CLYBL: variants seen among roughly 807,000 people sequenced by gnomAD.
CLYBL encodes citramalyl-CoA lyase, mitochondrial.
In CLYBL, 31 loss-of-function variants were observed where a neutral mutation model predicts 38.9. The ratio of observed to expected loss-of-function variants is 0.80; its 90% confidence interval spans 0.60 to 1.08. The LOEUF (loss-of-function observed/expected upper bound fraction) is 1.08, where lower values mean the gene tolerates loss of function less well. Ranked by LOEUF, CLYBL falls within the 50% of genes least tolerant of loss-of-function variation. CLYBL has a pLI of 0.00. For missense variants in CLYBL, 434 were observed against 411.6 expected (o/e 1.05, Z -0.47); for synonymous variants, 171 against 158.6 (o/e 1.08, Z -0.59).
rs2051730534 is a variant in CLYBL at position 99,865,906 on chromosome 13, C to A, written c.635-334C>A. Among the ~76,000 whole-genome samples, 1 of 152,220 alleles carries A rather than the reference C, an allele frequency of 6.6e-6. No homozygotes were observed. The highest frequency in any genetic ancestry group is 6.5e-5 in the Admixed American group (1 of 15,284). On this transcript the variant is annotated intron_variant, in intron 5 of 8. Transcript: ENST00000339105. This position sits in a 1 kb window ranked among gnomAD's most constrained non-coding sequence, Gnocchi z 4.7. ...CACCCTTTGTGGTGCTGTCTTTGGA[C>A]TGGCACTTTTCAAGCGATGATAAGA... is the stretch of plus-strand genomic sequence containing the variant.
chr13:99,701,946 A>G (rs1397200543), intron 1 of CLYBL, among the ~76,000 whole-genome samples: 1 of 152,142 alleles, frequency 6.6e-6, no homozygotes. Context: ...TGCTGAGGTT[A>G]CATACTTTAT....
chr13:99,691,905 C>A (rs898968848), intron 1 of CLYBL, among the ~76,000 whole-genome samples: 2 of 152,158 alleles, frequency 1.3e-5, no homozygotes, highest in South Asian at 4.1e-4. Context: ...GAACACAGAG[C>A]GAGAGTTTCT....
intron 1 of CLYBL, among the ~76,000 whole-genome samples, chr13:99,706,635 C>A (rs944866828): frequency 3.9e-5 from 6 of 152,106 alleles, no homozygotes; most frequent in Admixed American, 1.3e-4. Context: ...CACATATAGT[C>A]AAGTCCAAAT....
At chr13:99,699,867 G>C (rs1395433950) in intron 1 of CLYBL, among the ~76,000 whole-genome samples, 1 of 150,902 alleles carries the variant, frequency 6.6e-6, no homozygotes, top group East Asian at 2.0e-4. Flanking sequence ...GGTGGCGGGT[G>C]CCTGTAGTCC....
chr13:99,714,982 C>G (rs546998093), intron 1 of CLYBL, among the ~76,000 whole-genome samples: 1 of 151,980 alleles, frequency 6.6e-6, no homozygotes. Context: ...AAAGGAGGAA[C>G]GTAACCATCA....
At chr13:99,726,612 AGG>A (rs985466308) in intron 1 of CLYBL, 18 of 152,288 alleles carry the variant, frequency 1.2e-4, no homozygotes, top group African/African-American at 4.3e-4. Context: ...TGCCCTGAAA[AGG>A]GAAGAGCCAG....
In CLYBL at chr13:99,856,844, G is replaced by A. The variant is rs374304154; in HGVS notation, c.250-2017G>A. Among the ~76,000 whole-genome samples, 29 of 151,408 alleles carry A rather than the reference G, an allele frequency of 1.9e-4. No homozygotes were observed. The South Asian group carries it at 3.6e-3, about 19-fold the overall frequency. The stretch of plus-strand genomic sequence containing the variant: ...AGTAGAGATGGGGTTTCACCATGTT[G>A]GCCAGGCTGGTCTTGAACTCTTGAC... On this transcript the variant is annotated intron_variant, in intron 2 of 8. Transcript: ENST00000339105.
chr13:99,653,691 A>G (rs1402642299), intron 1 of CLYBL, among the ~76,000 whole-genome samples: 1 of 151,458 alleles, frequency 6.6e-6, no homozygotes, highest in South Asian at 2.1e-4. Flanking sequence ...CATCCTGGCC[A>G]GTTATTAACC....
chr13:99,836,520 T>C (rs769574035), intron 2 of CLYBL, among the ~76,000 whole-genome samples: 1 of 152,208 alleles, frequency 6.6e-6, no homozygotes, highest in Non-Finnish European at 1.5e-5. Context: ...ACTTAACCAT[T>C]GTCACAGTGT....
intron 1 of CLYBL, among the ~76,000 whole-genome samples, chr13:99,703,558 A>G (rs2139466299): frequency 6.6e-6 from 1 of 151,988 alleles, no homozygotes; most frequent in South Asian, 2.1e-4. Context: ...TTTAGTAGAG[A>G]CGGTATTTCA....
intron 8 of CLYBL, chr13:99,892,019 C>T (rs1277574367): frequency 6.6e-6 from 1 of 152,202 alleles, no homozygotes; most frequent in Non-Finnish European, 1.5e-5. Flanking sequence ...ACGAAACATC[C>T]ATCTCCTTGA....
chr13:99,904,881 G>A (rs1378127226), intron 8 of CLYBL, among the ~76,000 whole-genome samples: 3 of 152,214 alleles, frequency 2.0e-5, no homozygotes, highest in Admixed American at 2.0e-4. Flanking sequence ...GGCCCTGAAA[G>A]GGCAGCCTCC....
At chr13:99,906,543 C>T (rs899823402) in intron 9 of CLYBL, among the ~76,000 whole-genome samples, 28 of 152,030 alleles carry the variant, frequency 1.8e-4, no homozygotes, top group African/African-American at 6.3e-4. Flanking sequence ...CCTGTCTCAG[C>T]CTCCTGAGTA....
At chr13:99,841,354 A>G (rs2051071330) in intron 2 of CLYBL, among the ~76,000 whole-genome samples, 1 of 152,130 alleles carries the variant, frequency 6.6e-6, no homozygotes, top group African/African-American at 2.4e-5. Flanking sequence ...TGAGGTACCT[A>G]TAATGAAAGA....
At chr13:99,713,631 T>A (rs2048268920) in intron 1 of CLYBL, among the ~76,000 whole-genome samples, 1 of 152,032 alleles carries the variant, frequency 6.6e-6, no homozygotes, top group East Asian at 1.9e-4. Context: ...TGAGCCACCA[T>A]GTCTGGCCTC....
At chr13:99,785,126 C>G (rs1383713025) in intron 2 of CLYBL, among the ~76,000 whole-genome samples, 2 of 147,712 alleles carry the variant, frequency 1.4e-5, no homozygotes, top group African/African-American at 5.0e-5. Flanking sequence ...CTCCTGACCT[C>G]AAGTGATCCA....
At chr13:99,743,861 G>A (rs1468339998) in intron 1 of CLYBL, among the ~76,000 whole-genome samples, 2 of 151,440 alleles carry the variant, frequency 1.3e-5, no homozygotes, top group African/African-American at 2.4e-5. Context: ...GCTTTCCTGC[G>A]CCTTTGGGTT....
intron 7 of CLYBL, among the ~76,000 whole-genome samples, chr13:99,882,558 G>A (rs1325121405): frequency 6.6e-6 from 1 of 152,056 alleles, no homozygotes; most frequent in African/African-American, 2.4e-5. Context: ...CAGCTAGTGG[G>A]GAGGCTGAGG....
At chr13:99,825,167 G>T (rs560026679) in intron 2 of CLYBL, among the ~76,000 whole-genome samples, 1 of 152,324 alleles carries the variant, frequency 6.6e-6, no homozygotes, top group South Asian at 2.1e-4. Flanking sequence ...AGGCTGAGCT[G>T]CCCACTTAAC....
Sources: gnomAD v4.1 joint callset for allele counts (sites outside exome capture counted in the v4.1 genomes callset) on GRCh38, gnomAD v4.1.1 for gene constraint, Gnocchi (gnomAD v3.1) non-coding constraint, MANE v1.5 for transcripts, NCBI Gene and HGNC (gene_info 2026-07-23, HGNC 2026-07-21) for gene names.